Variants in SUGCT observed in about 807,000 individuals in gnomAD.
SUGCT encodes the protein succinyl-CoA:glutarate CoA-transferase.
SUGCT carries 41 observed loss-of-function variants against 55.0 expected under a neutral mutation model. That is an observed-to-expected ratio of 0.74 (90% CI 0.58 to 0.97). The LOEUF is 0.97. Ranked by LOEUF, SUGCT falls within the 50% of genes least tolerant of loss-of-function variation. The pLI is 0.00. For missense variants in SUGCT, 568 were observed against 547.8 expected (o/e 1.04, Z -0.37); for synonymous variants, 187 against 200.4 (o/e 0.93, Z 0.56).
At chr7:40,651,650 C>A (rs1191630659) in intron 12 of SUGCT, among the ~76,000 whole-genome samples, 1 of 151,960 alleles carries the variant, frequency 6.6e-6, no homozygotes, top group East Asian at 1.9e-4. Flanking sequence ...TTTTTTTAAT[C>A]TTTTATCTTT....
At position 40,644,519 on chromosome 7, in the gene SUGCT, T is replaced by C. The variant is rs145383477; in HGVS notation, c.1090-104915T>C. 2.7e-3 allele frequency among the ~76,000 whole-genome samples: 417 copies of C among 152,322 alleles called. 1 individual carries two copies. Among genetic ancestry groups the C allele is most frequent in the Middle Eastern group, 0.02 (6 of 294 alleles). ...TGTTTCACAAGAAAGGTGTCAATTT[T>C]TTAAACTTCCTACAGCTGTGTTTGT... On this transcript the variant is annotated intron_variant, in intron 12 of 13. Transcript: ENST00000335693.
At chr7:40,437,080 A>G (rs1788218274) in intron 9 of SUGCT, among the ~76,000 whole-genome samples, 1 of 152,224 alleles carries the variant, frequency 6.6e-6, no homozygotes, top group Non-Finnish European at 1.5e-5. Flanking sequence ...CCCAAGATAC[A>G]TGATAACTGC....
At chr7:40,483,334 G>A (rs1791158008) in intron 11 of SUGCT, among the ~76,000 whole-genome samples, 1 of 152,124 alleles carries the variant, frequency 6.6e-6, no homozygotes. Flanking sequence ...CTTCTCTAGT[G>A]TCTTCTGCTT....
the SUGCT span, among the ~76,000 whole-genome samples, chr7:40,891,962 C>A: frequency 6.6e-6 from 1 of 151,886 alleles, no homozygotes. Context: ...GAGCCGAGAT[C>A]ATGCCACTGC....
At chr7:40,261,279 A>G (rs1791206975) in intron 7 of SUGCT, among the ~76,000 whole-genome samples, 1 of 152,176 alleles carries the variant, frequency 6.6e-6, no homozygotes, top group Admixed American at 6.6e-5. Flanking sequence ...TTAGTTACCT[A>G]ATGAAGAGCT....
At chr7:40,219,562 G>A (rs1787905256) in intron 6 of SUGCT, among the ~76,000 whole-genome samples, 1 of 152,114 alleles carries the variant, frequency 6.6e-6, no homozygotes, top group Non-Finnish European at 1.5e-5. Flanking sequence ...AATTGTAAAA[G>A]TTAGGTGACA....
chr7:40,182,085 A>G (rs1164354454), intron 3 of SUGCT, 57 bp downstream of exon 3: 7 of 987,250 alleles, frequency 7.1e-6, no homozygotes, highest in Non-Finnish European at 3.1e-6. Flanking sequence ...TTTTAAAATA[A>G]TTCTCTAAAT....
intron 8 of SUGCT, among the ~76,000 whole-genome samples, chr7:40,278,678 T>A (rs2151012151): frequency 6.6e-6 from 1 of 152,198 alleles, no homozygotes; most frequent in African/African-American, 2.4e-5. Flanking sequence ...CCTGGACATC[T>A]CTTTTCTCCT....
the SUGCT span, chr7:40,965,864 T>C: frequency 6.6e-6 from 1 of 152,214 alleles, no homozygotes; most frequent in Non-Finnish European, 1.5e-5. Flanking sequence ...AATTTGCTGA[T>C]ATCATGAATG....
intron 9 of SUGCT, among the ~76,000 whole-genome samples, chr7:40,337,617 C>A (rs527268950): frequency 1.1e-3 from 161 of 152,248 alleles, no homozygotes; most frequent in African/African-American, 3.7e-3. Context: ...CATCCTCCAT[C>A]CCTTTGTTTT....
At chr7:40,629,952 A>C (rs1408777504) in intron 12 of SUGCT, among the ~76,000 whole-genome samples, 2 of 152,266 alleles carry the variant, frequency 1.3e-5, no homozygotes, top group East Asian at 3.9e-4. Context: ...TTTTGAGGCC[A>C]ATTTCATTGG....
intron 12 of SUGCT, among the ~76,000 whole-genome samples, chr7:40,678,785 A>C (rs926705953): frequency 2.0e-5 from 3 of 152,222 alleles, no homozygotes; most frequent in African/African-American, 7.2e-5. Flanking sequence ...TGAAGAAAAT[A>C]TAGGTAATTT....
Position 40,564,526 on chromosome 7 carries a change from T to G in SUGCT, c.1089+68140T>G, listed in dbSNP as rs77868527. On this transcript the variant is annotated intron_variant, in intron 12 of 13. Coordinates refer to ENST00000335693, the MANE Select transcript of SUGCT (RefSeq NM_001193313.2). ...AGAGGAAAGGAATGTACTTGAAATT[T>G]CTCTTTATAAGAGTTAATTTCAACT... Among the ~76,000 whole-genome samples, 1,484 of 152,372 alleles carry G rather than the reference T, an allele frequency of 9.7e-3. 30 individuals are homozygous for G. The highest frequency in any genetic ancestry group is 0.033 in the African/African-American group (1,373 of 41,584).
chr7:40,633,543 C>A (rs1799888302), intron 12 of SUGCT, among the ~76,000 whole-genome samples: 1 of 152,238 alleles, frequency 6.6e-6, no homozygotes, highest in Middle Eastern at 3.4e-3. Flanking sequence ...GCACTTTTAG[C>A]CAGGAAAGCG....
intron 11 of SUGCT, among the ~76,000 whole-genome samples, chr7:40,492,789 A>G (rs1177198020): frequency 6.6e-6 from 1 of 152,120 alleles, no homozygotes; most frequent in Non-Finnish European, 1.5e-5. Context: ...TGTTGCTTCA[A>G]CCATAAGTTG....
intron 12 of SUGCT, among the ~76,000 whole-genome samples, chr7:40,557,640 G>A (rs1280653914): frequency 1.3e-5 from 2 of 151,992 alleles, no homozygotes; most frequent in Non-Finnish European, 2.9e-5. Context: ...GGGCATGGTG[G>A]CATGTGCCTG....
intron 12 of SUGCT, among the ~76,000 whole-genome samples, chr7:40,663,897 C>G (rs531125372): frequency 6.6e-6 from 1 of 152,248 alleles, no homozygotes; most frequent in East Asian, 1.9e-4. Flanking sequence ...AGTCCTATCC[C>G]TAATACCTCA....
At chr7:40,324,499 A>T (rs1170160436) in intron 9 of SUGCT, among the ~76,000 whole-genome samples, 1 of 151,808 alleles carries the variant, frequency 6.6e-6, no homozygotes, top group Non-Finnish European at 1.5e-5. Context: ...CAGGTGATCC[A>T]CCTGCCTCGG....
intron 9 of SUGCT, among the ~76,000 whole-genome samples, chr7:40,421,876 G>C (rs1251367208): frequency 1.3e-5 from 2 of 152,124 alleles, no homozygotes; most frequent in African/African-American, 4.8e-5. Context: ...ATCCACTGCA[G>C]GTCCTTCTGA....
Sources: allele counts gnomAD v4.1 joint callset (sites outside exome capture counted in the v4.1 genomes callset), GRCh38; gene constraint gnomAD v4.1.1; transcripts MANE v1.5; gene names NCBI Gene and HGNC (gene_info 2026-07-23, HGNC 2026-07-21).